Variants in HSD17B2 observed in about 807,000 individuals in gnomAD.
HSD17B2 encodes the protein 17-beta-hydroxysteroid dehydrogenase type 2.
In HSD17B2, 32 loss-of-function variants were observed where a neutral mutation model predicts 26.9. That is an observed-to-expected ratio of 1.19 (90% CI 0.90 to 1.60). The LOEUF (loss-of-function observed/expected upper bound fraction) is 1.60. Ranked by LOEUF, HSD17B2 falls within the 40% of genes most tolerant of loss-of-function variation. The pLI, the probability that HSD17B2 is intolerant of heterozygous loss-of-function variation, is 0.00. For missense variants in HSD17B2, 613 were observed against 468.6 expected, an observed-to-expected ratio of 1.31 and a Z score of -2.85; for synonymous variants, 246 against 186.7, an observed-to-expected ratio of 1.32 and a Z score of -2.59.
Position 82,035,625 on chromosome 16 carries a change from C to A in HSD17B2, c.201C>A (p.Leu67=). The change falls in exon 1 of 5, where the codon CTC becomes CTA. Residue 67 remains leucine, a synonymous_variant. Transcript: ENST00000199936. ...TCCTCTTCTCGGTGTCATGCTTCCTCATGTATACTTACTTATCTGGCCAAG... is the reference window on the plus strand; with the variant it reads ...TCCTCTTCTCGGTGTCATGCTTCCTAATGTATACTTACTTATCTGGCCAAG... The part of the protein sequence containing the change: ...GLILFSVSCF[L]MYTYLSGQEL... 1.2e-6 allele frequency: 2 copies of A among 1,613,926 alleles called. No homozygotes were observed. The highest frequency in any genetic ancestry group is 8.5e-7 in the Non-Finnish European group (1 of 1,180,020).
chr16:82,062,756 C>T (rs941501369), intron 1 of HSD17B2, among the ~76,000 whole-genome samples: 8 of 152,204 alleles, frequency 5.3e-5, no homozygotes, highest in African/African-American at 1.9e-4. Flanking sequence ...TTTTCAAACA[C>T]CACTGTTGGG....
intron 1 of HSD17B2, among the ~76,000 whole-genome samples, chr16:82,036,812 C>A (rs1472781105): frequency 6.6e-6 from 1 of 152,140 alleles, no homozygotes; most frequent in Admixed American, 6.5e-5. Flanking sequence ...CACCTGGAAT[C>A]ATGTATCTGG....
chr16:82,076,082 AAATC>A (rs1298537149), intron 3 of HSD17B2, among the ~76,000 whole-genome samples: 2 of 152,222 alleles, frequency 1.3e-5, no homozygotes, highest in African/African-American at 2.4e-5. Flanking sequence ...ACATTTACAC[AAATC>A]AATCAGTGTG....
chr16:82,051,229 G>C (rs755660747), intron 1 of HSD17B2, among the ~76,000 whole-genome samples: 4 of 152,164 alleles, frequency 2.6e-5, no homozygotes, highest in African/African-American at 9.7e-5. Context: ...ATAGCATTGC[G>C]TACGGCTCCT....
At chr16:82,064,079 T>C (rs962964454) in intron 1 of HSD17B2, among the ~76,000 whole-genome samples, 5 of 152,204 alleles carry the variant, frequency 3.3e-5, no homozygotes, top group African/African-American at 1.2e-4. Flanking sequence ...AATTTTCCAG[T>C]ATCACAGGGC....
At chr16:82,038,783 G>A (rs750182599) in intron 1 of HSD17B2, among the ~76,000 whole-genome samples, 1 of 152,166 alleles carries the variant, frequency 6.6e-6, no homozygotes, top group Non-Finnish European at 1.5e-5. Context: ...AAAGGAAGAA[G>A]CCAGGTAAGG....
chr16:82,092,508 AG>A (rs917006317), intron 4 of HSD17B2: 6 of 152,250 alleles, frequency 3.9e-5, no homozygotes, highest in Admixed American at 3.3e-4. Flanking sequence ...CAAATGCAAA[AG>A]ATAAAATCTA....
At chr16:82,077,741 A>C (rs1904310025) in intron 3 of HSD17B2, among the ~76,000 whole-genome samples, 1 of 150,836 alleles carries the variant, frequency 6.6e-6, no homozygotes, top group South Asian at 2.1e-4. Flanking sequence ...AAAAGAAAGA[A>C]AGAAAGAAGA....
chr16:82,043,711 A>AAAAT (rs1913833651), intron 1 of HSD17B2, among the ~76,000 whole-genome samples: 2 of 150,644 alleles, frequency 1.3e-5, no homozygotes, highest in South Asian at 4.2e-4. Flanking sequence ...AAAAAAAAAA[A>AAAAT]AAATCATATA....
chr16:82,084,281 G>A (rs1040470124), intron 3 of HSD17B2, among the ~76,000 whole-genome samples: 4 of 152,128 alleles, frequency 2.6e-5, no homozygotes, highest in East Asian at 3.9e-4. Context: ...TGTGCATTAC[G>A]GGGTGTTTAA....
Position 82,098,283 on chromosome 16 carries a change from T to G in HSD17B2, c.1011T>G (p.Tyr337Ter). The change falls in exon 5 of 5, where the codon TAT becomes TAG. Residue 337 changes from tyrosine to a stop codon, truncating the protein, a stop_gained. Coordinates refer to ENST00000199936, the MANE Select transcript of HSD17B2 (RefSeq NM_002153.3). LOFTEE classifies it low-confidence loss of function (END_TRUNC). ...HAILAKSPFA[Y>*]YTPGKGAYLW... is the part of the protein sequence containing the mutation. ...TCTTGGCGAAGAGCCCTTTTGCCTA[T>G]TACACGCCAGGGAAAGGCGCTTACT... 6.2e-7 allele frequency: 1 copy of G among 1,614,202 alleles called. No individual in the cohort carries two copies. Among genetic ancestry groups the G allele is most frequent in the Non-Finnish European group, 8.5e-7 (1 of 1,180,028 alleles).
At position 82,098,083 on chromosome 16, in the gene HSD17B2, G is replaced by A; in HGVS notation, c.811G>A (p.Gly271Ser). Reference sequence around the variant, plus strand: ...CTTTCCTTTCACCCCAGATATCGCAGGCACCAGTGACAAGTGGGAAAAGCT... The same window carrying A: ...CTTTCCTTTCACCCCAGATATCGCAAGCACCAGTGACAAGTGGGAAAAGCT... ...QPGGFLTNIA[G>S]TSDKWEKLEK... Residue 271 changes from glycine to serine, a missense_variant, in exon 5 of 5, where the codon GGC (glycine) becomes AGC (serine). By Grantham distance (56) the Gly-to-Ser change is moderately conservative. Transcript: ENST00000199936. 3 of 1,611,108 alleles carry A rather than the reference G, an allele frequency of 1.9e-6. No individual in the cohort carries two copies. The highest frequency in any genetic ancestry group is 2.5e-6 in the Non-Finnish European group (3 of 1,178,062).
In HSD17B2 at chr16:82,070,974, C is replaced by T. The variant is rs577777799; in HGVS notation, c.511C>T (p.Leu171Phe). The T allele has an allele frequency of 1.9e-6, 3 of 1,614,020 alleles. No homozygotes were observed. ...GGCTGTGATCAACAATGCTGGGGTG[C>T]TTGGCTTTCCAACTGATGGGGAGCT... ...LWAVINNAGVLGFPTDGELLL... is the reference protein window; with the variant it reads ...LWAVINNAGVFGFPTDGELLL... The change falls in exon 3 of 5, where the codon CTT (leucine) becomes TTT (phenylalanine). Residue 171 changes from leucine (L) to phenylalanine (F), a missense_variant. Leu to Phe is a conservative substitution (Grantham distance 22, BLOSUM62 0). Coordinates refer to ENST00000199936, the MANE Select transcript of HSD17B2 (RefSeq NM_002153.3).
intron 2 of HSD17B2, among the ~76,000 whole-genome samples, chr16:82,068,883 A>T (rs1229176218): frequency 6.6e-6 from 1 of 152,144 alleles, no homozygotes; most frequent in Non-Finnish European, 1.5e-5. Flanking sequence ...AGCTAATCAG[A>T]ATTAGCCTGA....
At chr16:82,049,947 AC>A (rs1197865892) in intron 1 of HSD17B2, among the ~76,000 whole-genome samples, 1 of 152,102 alleles carries the variant, frequency 6.6e-6, no homozygotes, top group Non-Finnish European at 1.5e-5. Flanking sequence ...TGTCAGAATC[AC>A]CTTGGGGCTT....
At chr16:82,077,149 A>C (rs7498701) in intron 3 of HSD17B2, among the ~76,000 whole-genome samples, 65,306 of 152,060 alleles carry the variant, frequency 0.43, 16,900 homozygotes, top group Non-Finnish European at 0.57. Context: ...CATTCTTCAC[A>C]GAAATAGAAA....
chr16:82,035,400 T>G lies in HSD17B2; in HGVS notation c.-25T>G, dbSNP rs764678853. 6.2e-7 allele frequency: 1 copy of G among 1,600,610 alleles called. No individual in the cohort carries two copies. The highest frequency in any genetic ancestry group is 1.1e-5 in the South Asian group (1 of 89,596). ...CGCTAGACTCACTGGCCCTGAGCAC[T>G]TGAAGGTGCAGCAAGTCACTGAGAA... On this transcript the variant is annotated 5_prime_UTR_variant, in exon 1 of 5. Transcript: ENST00000199936.
intron 4 of HSD17B2, 33 bp downstream of exon 4, chr16:82,091,072 C>A (rs1421846648): frequency 6.2e-7 from 1 of 1,611,614 alleles, no homozygotes. Context: ...CTGTGATGTT[C>A]ATCCTGGAAG....
intron 1 of HSD17B2, among the ~76,000 whole-genome samples, chr16:82,062,720 C>T (rs918906047): frequency 4.6e-5 from 7 of 152,238 alleles, no homozygotes; most frequent in African/African-American, 1.4e-4. Flanking sequence ...ACTTGGTAAA[C>T]ATGCAATCCA....
Sources: allele counts gnomAD v4.1 joint callset (sites outside exome capture counted in the v4.1 genomes callset), GRCh38; gene constraint gnomAD v4.1.1; transcripts MANE v1.5; gene names NCBI Gene and HGNC (gene_info 2026-07-23, HGNC 2026-07-21).